EYS: variants seen among roughly 807,000 people sequenced by gnomAD.
EYS encodes the protein EGF-like photoreceptor maintenance factor.
Under a neutral mutation model 282.1 loss-of-function variants are expected in EYS, and 250 were observed. That is an observed-to-expected ratio of 0.89 (90% CI 0.80 to 0.98). The LOEUF is 0.98. Among genes scored for constraint, EYS ranks in the 50% least tolerant of loss-of-function variants. The pLI, the probability that EYS is intolerant of heterozygous loss-of-function variation, is 0.00. For missense variants in EYS, 4,016 were observed against 3,709.0 expected (o/e 1.08, Z -2.15); for synonymous variants, 1,355 against 1,282.9 (o/e 1.06, Z -1.20).
At chr6:64,842,300 C>T (rs563572600) in intron 19 of EYS, among the ~76,000 whole-genome samples, 1 of 151,290 alleles carries the variant, frequency 6.6e-6, no homozygotes, top group African/African-American at 2.4e-5. Context: ...TTCTGCTAAA[C>T]CAAATTTCCA....
intron 22 of EYS, among the ~76,000 whole-genome samples, chr6:64,636,785 G>T (rs979748818): frequency 2.0e-5 from 3 of 149,616 alleles, no homozygotes; most frequent in African/African-American, 7.4e-5. Flanking sequence ...CAAAGGATAT[G>T]AACAGACACT....
chr6:65,678,225 C>T (rs1467441189), intron 1 of EYS, among the ~76,000 whole-genome samples: 3 of 151,960 alleles, frequency 2.0e-5, no homozygotes, highest in East Asian at 3.9e-4. Flanking sequence ...GCAATAATGG[C>T]CATTAATGAG....
At chr6:64,076,702 G>A (rs137888833) in intron 32 of EYS, among the ~76,000 whole-genome samples, 1 of 151,892 alleles carries the variant, frequency 6.6e-6, no homozygotes, top group African/African-American at 2.4e-5. Flanking sequence ...CCGTGGAACT[G>A]TGAGTCCATT....
intron 22 of EYS, among the ~76,000 whole-genome samples, chr6:64,748,291 G>T (rs1772623353): frequency 6.6e-6 from 1 of 152,172 alleles, no homozygotes; most frequent in Non-Finnish European, 1.5e-5. Context: ...GAAAGTTATA[G>T]AGCAGCGCTC....
rs527236073 is a variant in EYS at position 64,591,464 on chromosome 6, T to TCCTCTTGA, written c.4395_4402dup (p.Asp1468ValfsTer13). On this transcript the variant is annotated frameshift_variant, in exon 26 of 43. Coordinates refer to ENST00000503581, the MANE Select transcript of EYS (RefSeq NM_001142800.2). LOFTEE classifies it high-confidence loss of function. ...AGAATCAGCTGAATATTCTTCAATA[T>TCCTCTTGA]CCTCTTGAGCCCCCCTAGAGACAAC... 1 of 1,551,344 alleles carries TCCTCTTGA rather than the reference T, an allele frequency of 6.4e-7. No individual in the cohort carries two copies. The highest frequency in any genetic ancestry group is 2.4e-5 in the East Asian group (1 of 40,888).
At chr6:65,044,593 T>C in intron 13 of EYS, among the ~76,000 whole-genome samples, 1 of 151,858 alleles carries the variant, frequency 6.6e-6, no homozygotes, top group East Asian at 1.9e-4. Flanking sequence ...CTCTGGATTC[T>C]GTTTTCTTCC....
intron 2 of EYS, among the ~76,000 whole-genome samples, chr6:65,532,085 T>C (rs754961588): frequency 6.6e-5 from 10 of 152,130 alleles, no homozygotes; most frequent in Admixed American, 2.6e-4. Flanking sequence ...TTATAGAAAA[T>C]GTATAAAAAT....
intron 13 of EYS, among the ~76,000 whole-genome samples, chr6:65,003,793 AT>A (rs1411510167): frequency 1.4e-5 from 2 of 147,590 alleles, no homozygotes; most frequent in African/African-American, 4.9e-5. Flanking sequence ...GTAGAAATAT[AT>A]TTTAAAGGAG....
chr6:64,478,917 A>G (rs930844500), intron 26 of EYS, among the ~76,000 whole-genome samples: 2 of 152,002 alleles, frequency 1.3e-5, no homozygotes, highest in South Asian at 4.1e-4. Flanking sequence ...TTAGATAAAT[A>G]AAAGAATATA....
At chr6:64,231,267 A>G (rs376604728) in intron 30 of EYS, among the ~76,000 whole-genome samples, 34 of 152,124 alleles carry the variant, frequency 2.2e-4, no homozygotes, top group African/African-American at 8.0e-4. Context: ...TCCAAGAGGT[A>G]CCTTAGAAAT....
chr6:65,412,241 G>A (rs1767050788), intron 5 of EYS, among the ~76,000 whole-genome samples: 1 of 152,046 alleles, frequency 6.6e-6, no homozygotes, highest in African/African-American at 2.4e-5. Context: ...AAATGTTTAA[G>A]CCACTTAATC....
chr6:63,977,568 T>C lies in EYS; in HGVS notation c.7055+6815A>G, dbSNP rs1013126071. ...GCTTCGAGGTAAGCCAGCTCTGCTA[T>C]TGGGTGAGGGGATGTCAGCAGGTAA... On this transcript the variant is annotated intron_variant, in intron 35 of 42. Transcript: ENST00000503581. Among the ~76,000 whole-genome samples the C allele has an allele frequency of 3.3e-5, 5 of 151,900 alleles. No homozygotes were observed. The East Asian group carries it at 7.8e-4, about 24-fold the overall frequency.
chr6:64,496,042 T>C (rs1053032686), intron 26 of EYS, among the ~76,000 whole-genome samples: 6 of 151,892 alleles, frequency 4.0e-5, no homozygotes, highest in Non-Finnish European at 7.4e-5. Context: ...TATGAATTCA[T>C]GTACTCATTT....
chr6:64,984,371 T>C (rs1351216521), intron 14 of EYS, among the ~76,000 whole-genome samples: 1 of 151,454 alleles, frequency 6.6e-6, no homozygotes, highest in East Asian at 1.9e-4. Flanking sequence ...ACCATTTTTG[T>C]GAAGAAGGAT....
chr6:64,377,863 C>T (rs751305019), intron 29 of EYS: 1 of 151,948 alleles, frequency 6.6e-6, no homozygotes, highest in Non-Finnish European at 1.5e-5. Flanking sequence ...ACCATCACTG[C>T]CTAGTTGTAT....
chr6:64,289,386 T>C lies in EYS; in HGVS notation c.6191+17584A>G, dbSNP rs531067452. On this transcript the variant is annotated intron_variant, in intron 30 of 42. Coordinates refer to ENST00000503581, the MANE Select transcript of EYS (RefSeq NM_001142800.2). Reference sequence around the variant, plus strand: ...CCACTAGAAGAGTGACCCTTGCTTTTGCTTCGTTTTGTTGTATCCCATATC... The same window carrying C: ...CCACTAGAAGAGTGACCCTTGCTTTCGCTTCGTTTTGTTGTATCCCATATC... Among the ~76,000 whole-genome samples the C allele has an allele frequency of 5.3e-5, 8 of 152,184 alleles. No individual in the cohort carries two copies. The South Asian group carries it at 1.7e-3, about 32-fold the overall frequency.
At chr6:63,881,868 C>T (rs992304359) in intron 35 of EYS, among the ~76,000 whole-genome samples, 9 of 152,190 alleles carry the variant, frequency 5.9e-5, no homozygotes, top group Admixed American at 2.0e-4. Context: ...GCAGGTCAAG[C>T]GACAAGGAAT....
chr6:64,151,069 TTAAG>T lies in EYS; in HGVS notation c.6425-69071_6425-69068del, dbSNP rs367788320. ...TTATATGACATATGTATATTTTTGT[TTAAG>T]TATACAAATATTTTTGTGTAATCAT... On this transcript the variant is annotated intron_variant, in intron 31 of 42. Coordinates refer to ENST00000503581, the MANE Select transcript of EYS (RefSeq NM_001142800.2). Among the ~76,000 whole-genome samples, 1,023 of 151,794 alleles carry T rather than the reference TTAAG, an allele frequency of 6.7e-3. 5 individuals carry two copies. The highest frequency in any genetic ancestry group is 0.014 in the African/African-American group (594 of 41,354).
intron 2 of EYS, among the ~76,000 whole-genome samples, chr6:65,554,320 T>C (rs1041335659): frequency 6.6e-6 from 1 of 152,206 alleles, no homozygotes; most frequent in Admixed American, 6.5e-5. Context: ...CAAGCAATTA[T>C]TTGACTACAT....
Sources: allele counts gnomAD v4.1 joint callset (sites outside exome capture counted in the v4.1 genomes callset), GRCh38; gene constraint gnomAD v4.1.1; transcripts MANE v1.5; gene names NCBI Gene and HGNC (gene_info 2026-07-23, HGNC 2026-07-21).